Variants in MBNL2 observed in about 807,000 individuals in gnomAD.
MBNL2 encodes muscleblind-like protein 2.
Under a neutral mutation model 41.9 loss-of-function variants are expected in MBNL2, and 17 were observed. The observed-to-expected ratio is 0.41, with a 90% confidence interval of 0.28 to 0.61. The LOEUF is 0.61. Among genes scored for constraint, MBNL2 ranks in the 20% least tolerant of loss-of-function variants. MBNL2 has a pLI of 0.35. For synonymous variants in MBNL2, 195 were observed against 182.9 expected (o/e 1.07, Z -0.53); for missense variants, 336 against 505.6 (o/e 0.66, Z 3.22).
chr13:97,296,526 G>A (rs1260275997), intron 2 of MBNL2, among the ~76,000 whole-genome samples: 1 of 152,134 alleles, frequency 6.6e-6, no homozygotes, highest in Admixed American at 6.6e-5. Context: ...AGTGTGGTAT[G>A]ATGCTCAGCA....
chr13:97,287,999 C>A (rs1566393802), intron 2 of MBNL2, among the ~76,000 whole-genome samples: 2 of 146,194 alleles, frequency 1.4e-5, no homozygotes, highest in Non-Finnish European at 3.0e-5. Context: ...GTCTCGAACT[C>A]CTGACCTCAA....
chr13:97,301,000 A>T (rs1185823379), intron 2 of MBNL2, among the ~76,000 whole-genome samples: 1 of 152,230 alleles, frequency 6.6e-6, no homozygotes, highest in Non-Finnish European at 1.5e-5. Context: ...GCCAAACAAG[A>T]CATCTGTGTC....
intron 5 of MBNL2, among the ~76,000 whole-genome samples, chr13:97,348,206 C>T (rs545203074): frequency 6.6e-6 from 1 of 151,678 alleles, no homozygotes; most frequent in South Asian, 2.1e-4. Context: ...TCCTGAGTAG[C>T]TGGGAACATG....
intron 2 of MBNL2, among the ~76,000 whole-genome samples, chr13:97,300,116 G>A (rs939304165): frequency 2.0e-5 from 3 of 152,168 alleles, no homozygotes; most frequent in Non-Finnish European, 4.4e-5. Context: ...GAAAATGCGG[G>A]AGAGGACTAT....
intron 2 of MBNL2, among the ~76,000 whole-genome samples, chr13:97,329,739 TAC>T (rs2153056248): frequency 7.7e-3 from 1 of 130 alleles, no homozygotes; most frequent in Non-Finnish European, 0.012. Flanking sequence ...ATACAACACA[TAC>T]ACCATACATA....
At chr13:97,339,435 A>G (rs2061241019) in intron 3 of MBNL2, among the ~76,000 whole-genome samples, 1 of 152,120 alleles carries the variant, frequency 6.6e-6, no homozygotes, top group South Asian at 2.1e-4. Context: ...TTTCTTCAAG[A>G]AGGCTTCCCG....
intron 2 of MBNL2, among the ~76,000 whole-genome samples, chr13:97,298,767 G>C (rs1264498617): frequency 6.6e-6 from 1 of 152,176 alleles, no homozygotes; most frequent in Admixed American, 6.6e-5. Context: ...TATTAAAGTA[G>C]GGAATGATGG....
the MBNL2 span, among the ~76,000 whole-genome samples, chr13:97,146,605 GA>G: frequency 6.6e-6 from 1 of 152,180 alleles, no homozygotes; most frequent in African/African-American, 2.4e-5. Context: ...AATTGAGACA[GA>G]AAAATTGCCT....
At chr13:97,348,280 A>G (rs2062084954) in intron 5 of MBNL2, among the ~76,000 whole-genome samples, 1 of 151,844 alleles carries the variant, frequency 6.6e-6, no homozygotes, top group Non-Finnish European at 1.5e-5. Context: ...GGCTAGTCTC[A>G]AAACTCCTGG....
chr13:97,378,283 T>G (rs974486687), intron 8 of MBNL2, among the ~76,000 whole-genome samples: 8 of 149,686 alleles, frequency 5.3e-5, no homozygotes, highest in South Asian at 2.1e-4. Flanking sequence ...ACCCTGTAAG[T>G]TAGAAACAAT....
chr13:97,380,602 C>T (rs1053987725), intron 8 of MBNL2, among the ~76,000 whole-genome samples: 1 of 152,120 alleles, frequency 6.6e-6, no homozygotes. Flanking sequence ...ATGGGTCTTA[C>T]ATGGTGAGGG....
chr13:97,158,641 A>G, the MBNL2 span, among the ~76,000 whole-genome samples: 1 of 151,390 alleles, frequency 6.6e-6, no homozygotes, highest in Non-Finnish European at 1.5e-5. Flanking sequence ...TTCTGCCTTC[A>G]TTTCGTTATG....
At position 97,366,489 on chromosome 13, in the gene MBNL2, C is replaced by G. The variant is rs777233144; in HGVS notation, c.1048+1318C>G. 1 of 1,612,130 alleles carries G rather than the reference C, an allele frequency of 6.2e-7. No homozygotes were observed. The highest frequency in any genetic ancestry group is 8.5e-7 in the Non-Finnish European group (1 of 1,178,234). On this transcript the variant is annotated intron_variant, in intron 8 of 8. Coordinates refer to ENST00000679496, the MANE Select transcript of MBNL2 (RefSeq NM_001382683.1). The surrounding 1 kb of genome is among the most constrained non-coding windows in gnomAD (Gnocchi z 4.7). ...ATGATGCACAGCGCTACGTCCGCCACTGTCTCTGCAGCAACAACTCCTGCA... is the reference window on the plus strand; with the variant it reads ...ATGATGCACAGCGCTACGTCCGCCAGTGTCTCTGCAGCAACAACTCCTGCA...
chr13:97,233,127 A>G (rs1384829552), intron 1 of MBNL2, among the ~76,000 whole-genome samples: 1 of 8,024 alleles, frequency 1.2e-4, no homozygotes, highest in Non-Finnish European at 2.2e-4. Flanking sequence ...GCTCTTTTTC[A>G]TATATATATA....
the MBNL2 span, among the ~76,000 whole-genome samples, chr13:97,175,152 G>A: frequency 1.3e-5 from 2 of 152,050 alleles, no homozygotes; most frequent in Non-Finnish European, 2.9e-5. Flanking sequence ...AAGTCTCAGG[G>A]ACTTCCCAAC....
intron 8 of MBNL2, among the ~76,000 whole-genome samples, chr13:97,379,513 G>C (rs936762458): frequency 1.3e-5 from 2 of 152,140 alleles, no homozygotes; most frequent in Non-Finnish European, 2.9e-5. Context: ...GAATATTTTA[G>C]GCAGCCTGCA....
chr13:97,382,094 A>C (rs1349770875), intron 8 of MBNL2, among the ~76,000 whole-genome samples: 1 of 152,168 alleles, frequency 6.6e-6, no homozygotes, highest in East Asian at 1.9e-4. Flanking sequence ...ATATTTTCTT[A>C]GTGTGTCCCA....
At chr13:97,381,573 G>GA (rs1035182439) in intron 8 of MBNL2, among the ~76,000 whole-genome samples, 21 of 151,270 alleles carry the variant, frequency 1.4e-4, no homozygotes, top group African/African-American at 4.6e-4. Flanking sequence ...ATCTCATTTT[G>GA]AAAAAAACCC....
At chr13:97,280,327 G>A (rs1735394573) in intron 2 of MBNL2, among the ~76,000 whole-genome samples, 2 of 152,148 alleles carry the variant, frequency 1.3e-5, no homozygotes, top group South Asian at 2.1e-4. Flanking sequence ...GACTAAAAGT[G>A]TCAGTATTTA....
Sources: gnomAD v4.1 joint callset for allele counts (sites outside exome capture counted in the v4.1 genomes callset) on GRCh38, gnomAD v4.1.1 for gene constraint, Gnocchi (gnomAD v3.1) non-coding constraint, MANE v1.5 for transcripts, NCBI Gene and HGNC (gene_info 2026-07-23, HGNC 2026-07-21) for gene names.